Variants in SRFBP1 observed in about 807,000 individuals in gnomAD.
SRFBP1 encodes serum response factor-binding protein 1.
In SRFBP1, 47 loss-of-function variants were observed where a neutral mutation model predicts 45.5. The observed-to-expected ratio is 1.03, with a 90% confidence interval of 0.82 to 1.32. The LOEUF is 1.32. Ranked by LOEUF, SRFBP1 falls within the 40% of genes most tolerant of loss-of-function variation. The pLI is 0.00. For missense variants in SRFBP1, 621 were observed against 484.6 expected, an observed-to-expected ratio of 1.28 and a Z score of -2.64; for synonymous variants, 203 against 166.3, an observed-to-expected ratio of 1.22 and a Z score of -1.70.
intron 3 of SRFBP1, among the ~76,000 whole-genome samples, chr5:121,978,166 A>G (rs1174783752): frequency 6.6e-6 from 1 of 152,178 alleles, no homozygotes; most frequent in African/African-American, 2.4e-5. Context: ...TGTGCCAGGC[A>G]TTATATTATG....
At chr5:122,043,850 AT>A (rs922439556) in intron 2 of SRFBP1, among the ~76,000 whole-genome samples, 9 of 151,970 alleles carry the variant, frequency 5.9e-5, no homozygotes, top group African/African-American at 2.2e-4. Context: ...TATTCATTAA[AT>A]TTTTTTTATT....
intron 1 of SRFBP1, among the ~76,000 whole-genome samples, chr5:121,966,545 A>G (rs530845162): frequency 2.0e-5 from 3 of 152,328 alleles, no homozygotes; most frequent in Admixed American, 6.5e-5. Context: ...CCTTTCCATT[A>G]GAACTAGAGG....
rs758060200 is a variant in SRFBP1, at chr5:122,020,567, G to A, written c.832G>A (p.Asp278Asn). 1 of 1,614,158 alleles carries A rather than the reference G, an allele frequency of 6.2e-7. No homozygotes were observed. Among genetic ancestry groups the A allele is most frequent in the Non-Finnish European group, 8.5e-7 (1 of 1,179,990 alleles). Residue 278 changes from aspartate to asparagine, a missense_variant, in exon 6 of 8, where the codon GAT (aspartate) becomes AAT (asparagine). By Grantham distance (23) the Asp-to-Asn change is conservative. Coordinates refer to ENST00000339397, the MANE Select transcript of SRFBP1 (RefSeq NM_152546.3). The part of the protein sequence containing the change: ...RFYKQSSMSE[D>N]SDSGDDFFIG... ...TTACAAGCAGTCTTCCATGTCTGAA[G>A]ATAGTGATAGCGGTGACGACTTCTT...
downstream of SRFBP1, among the ~76,000 whole-genome samples, chr5:122,031,289 C>G (rs538977505): frequency 4.6e-5 from 7 of 152,192 alleles, no homozygotes; most frequent in South Asian, 1.2e-3. Context: ...GAAAGGGAGT[C>G]TGATATACAG....
At chr5:122,018,252 G>A (rs1484958211) in intron 4 of SRFBP1, among the ~76,000 whole-genome samples, 1 of 152,192 alleles carries the variant, frequency 6.6e-6, no homozygotes, top group Non-Finnish European at 1.5e-5. Flanking sequence ...GCTGTTGTGT[G>A]GAAAATTGAC....
At chr5:122,052,398 A>T (rs1754005180) in intron 2 of SRFBP1, among the ~76,000 whole-genome samples, 1 of 152,096 alleles carries the variant, frequency 6.6e-6, no homozygotes, top group Admixed American at 6.5e-5. Flanking sequence ...GTTGTAGATT[A>T]TGTGTCTTTA....
intron 1 of SRFBP1, among the ~76,000 whole-genome samples, chr5:121,970,212 A>G (rs1036030257): frequency 1.3e-5 from 2 of 152,144 alleles, no homozygotes; most frequent in Non-Finnish European, 2.9e-5. Context: ...TATATGAGGT[A>G]TTCCTTTTGC....
At chr5:121,962,141 A>T in intron 1 of SRFBP1, 73 bp downstream of exon 1, 2 of 1,588,820 alleles carry the variant, frequency 1.3e-6, no homozygotes, top group Non-Finnish European at 1.7e-6. Context: ...GCGTGGTCGG[A>T]GGCGGGCATA....
chr5:122,065,988 A>T (rs962563008), intron 2 of SRFBP1: 1 of 152,106 alleles, frequency 6.6e-6, no homozygotes, highest in African/African-American at 2.4e-5. Context: ...ATCTCTGCCC[A>T]TGGGAAAGAT....
intron 7 of SRFBP1, among the ~76,000 whole-genome samples, chr5:122,023,508 G>C (rs184162727): frequency 1.3e-5 from 2 of 152,244 alleles, no homozygotes; most frequent in African/African-American, 2.4e-5. Context: ...AAAAACTCTT[G>C]ATAGCTTAAG....
chr5:122,027,814 A>G lies in SRFBP1; in HGVS notation c.*688A>G, dbSNP rs138787980. 6.6e-6 allele frequency: 1 copy of G among 152,192 alleles called. No homozygotes were observed. The highest frequency in any genetic ancestry group is 1.5e-5 in the Non-Finnish European group (1 of 68,026). The allele number at this position is 152,192 out of a possible 1,614,324, so 9.4% of individuals were successfully genotyped here. A position where few individuals can be genotyped will look rare whatever the true frequency, so the allele number is the denominator to read the frequency against. ...TGATTCTAAAATAGTTGTCTAGGAC[A>G]ATTTTGGGATTCTTAATTATATTTT... On this transcript the variant is annotated 3_prime_UTR_variant, in exon 8 of 8. Transcript: ENST00000339397.
chr5:122,053,341 A>C (rs1301616271), intron 2 of SRFBP1, among the ~76,000 whole-genome samples: 1 of 152,146 alleles, frequency 6.6e-6, no homozygotes, highest in Admixed American at 6.5e-5. Flanking sequence ...CTCATGCAGA[A>C]GTAGGACTTC....
intron 2 of SRFBP1, among the ~76,000 whole-genome samples, chr5:122,054,532 T>C (rs1031031142): frequency 1.3e-5 from 2 of 152,222 alleles, no homozygotes; most frequent in Non-Finnish European, 2.9e-5. Flanking sequence ...TTTGCCATCT[T>C]GGCTTGAAAG....
intron 3 of SRFBP1, among the ~76,000 whole-genome samples, chr5:121,991,905 A>G (rs1752628246): frequency 6.6e-6 from 1 of 152,300 alleles, no homozygotes; most frequent in South Asian, 2.1e-4. Flanking sequence ...GTATAATACA[A>G]AAAGTTTAAG....
chr5:122,040,308 T>C (rs888421238), intron 2 of SRFBP1, among the ~76,000 whole-genome samples: 1 of 152,152 alleles, frequency 6.6e-6, no homozygotes, highest in South Asian at 2.1e-4. Context: ...CAGGAACATG[T>C]TCAGTAGCCT....
chr5:121,995,609 A>G (rs1371786200), intron 4 of SRFBP1, among the ~76,000 whole-genome samples: 2 of 150,838 alleles, frequency 1.3e-5, no homozygotes, highest in Non-Finnish European at 2.9e-5. Flanking sequence ...AAAGAACTAG[A>G]AAAGCAAGAG....
intron 3 of SRFBP1, among the ~76,000 whole-genome samples, chr5:121,992,577 A>G (rs1752641004): frequency 1.3e-5 from 2 of 152,056 alleles, no homozygotes; most frequent in African/African-American, 4.8e-5. Context: ...TAACATGTTC[A>G]TAGGCTCATG....
In SRFBP1 at chr5:122,028,039, A is replaced by G. The variant is rs1031021448; in HGVS notation, c.*913A>G. 2.6e-5 allele frequency: 4 copies of G among 152,208 alleles called. No homozygotes were observed. The highest frequency in any genetic ancestry group is 4.4e-5 in the Non-Finnish European group (3 of 68,036). 9.4% of individuals were successfully genotyped at this position (152,208 alleles called of 1,614,324 possible). A position where few individuals can be genotyped will look rare whatever the true frequency, so the allele number is the denominator to read the frequency against. ...TAGGATTAAAAGAATATTTCCACTG[A>G]TGGCTAAGCAAAGAAGTTGTAAGAT... On this transcript the variant is annotated 3_prime_UTR_variant, in exon 8 of 8. Transcript: ENST00000339397.
intron 1 of SRFBP1, among the ~76,000 whole-genome samples, chr5:121,967,038 C>T (rs1471468731): frequency 2.0e-5 from 3 of 151,472 alleles, no homozygotes; most frequent in African/African-American, 7.3e-5. Flanking sequence ...CGTGATCCGC[C>T]TGCCTCAGCC....
Sources: allele counts gnomAD v4.1 joint callset (sites outside exome capture counted in the v4.1 genomes callset), GRCh38; gene constraint gnomAD v4.1.1; transcripts MANE v1.5; gene names NCBI Gene and HGNC (gene_info 2026-07-23, HGNC 2026-07-21).